LMX1B: variants seen among roughly 807,000 people sequenced by gnomAD.
LMX1B encodes the protein LIM homeobox transcription factor 1 beta, also known as LIM homeobox transcription factor 1-beta.
Under a neutral mutation model 51.4 loss-of-function variants are expected in LMX1B, and 12 were observed. The observed-to-expected ratio is 0.23, with a 90% CI of 0.15 to 0.38. The LOEUF is 0.38. Among genes scored for constraint, LMX1B ranks in the 10% least tolerant of loss-of-function variants. The pLI is 1.00. For missense variants in LMX1B, 445 were observed against 571.1 expected, an observed-to-expected ratio of 0.78 and a Z score of 2.25; for synonymous variants, 237 against 235.4, an observed-to-expected ratio of 1.01 and a Z score of -0.06.
chr9:126,693,653 G>A, intron 5 of LMX1B, 52 bp downstream of exon 5: 1 of 1,610,120 alleles, frequency 6.2e-7, no homozygotes, highest in East Asian at 2.2e-5. Flanking sequence ...GGGACTAGAG[G>A]GGGCAGCCAG....
intron 2 of LMX1B, among the ~76,000 whole-genome samples, chr9:126,620,266 T>C (rs2118835562): frequency 6.6e-6 from 1 of 152,232 alleles, no homozygotes; most frequent in South Asian, 2.1e-4. Flanking sequence ...TCCTCAGCCA[T>C]GAAAAGAGCT....
intron 4 of LMX1B, 21 bp downstream of exon 4, chr9:126,693,344 G>T (rs774024722): frequency 6.3e-7 from 1 of 1,581,470 alleles, no homozygotes; most frequent in South Asian, 1.1e-5. Context: ...GCCGGGGGGC[G>T]GGGCTCAGGC....
Position 126,700,912 on chromosome 9 carries a change from C to T in LMX1B, c.*4461C>T, listed in dbSNP as rs565150448. 1.3e-5 allele frequency: 2 copies of T among 152,286 alleles called. No individual in the cohort carries two copies. Among genetic ancestry groups the T allele is most frequent in the Non-Finnish European group, 2.9e-5 (2 of 68,054 alleles). 9.4% of individuals were successfully genotyped at this position (152,286 alleles called of 1,614,324 possible). A position where few individuals can be genotyped will look rare whatever the true frequency, so the allele number is the denominator to read the frequency against. On this transcript the variant is annotated 3_prime_UTR_variant, in exon 8 of 8. Coordinates refer to ENST00000373474, the MANE Select transcript of LMX1B (RefSeq NM_001174147.2). The stretch of plus-strand genomic sequence containing the variant: ...TTATTTATTAGCGTTTACCACACCA[C>T]CACCCCCACCCTGCCCTCCACTCTC...
At chr9:126,666,093 A>G (rs1344545773) in intron 2 of LMX1B, among the ~76,000 whole-genome samples, 3 of 152,192 alleles carry the variant, frequency 2.0e-5, no homozygotes, top group African/African-American at 7.2e-5. Flanking sequence ...GGCAGCTTCT[A>G]TGGCCGGCCT....
chr9:126,648,335 G>A (rs999295341), intron 2 of LMX1B, among the ~76,000 whole-genome samples: 4 of 152,176 alleles, frequency 2.6e-5, no homozygotes, highest in African/African-American at 9.7e-5. Context: ...CTCGAAGGCA[G>A]GTCCCAGCCC....
Position 126,696,016 on chromosome 9 carries a change from A to ACGGGGGG in LMX1B, c.1051+14_1051+15insGGGGGGC. On this transcript the variant is annotated intron_variant, in intron 7 of 7. Transcript: ENST00000373474. ...ATGAACCCCTATGGTAAGCCGCCCT[A>ACGGGGGG]CCCCCACCCGCCCGCCCCAGCACAG... is the stretch of plus-strand genomic sequence containing the variant. 2.6e-6 allele frequency: 4 copies of ACGGGGGG among 1,512,642 alleles called. No individual in the cohort carries two copies. Among genetic ancestry groups the ACGGGGGG allele is most frequent in the African/African-American group, 1.5e-5 (1 of 68,674 alleles). The allele number at this position is 1,512,642 out of a possible 1,614,324, so 93.7% of individuals were successfully genotyped here.
Position 126,697,912 on chromosome 9 carries a change from G to C in LMX1B, c.*1461G>C, listed in dbSNP as rs1218076595. 2 of 157,678 alleles carry C rather than the reference G, an allele frequency of 1.3e-5. No homozygotes were observed. The highest frequency in any genetic ancestry group is 1.9e-4 in the East Asian group (1 of 5,338). 9.8% of individuals were successfully genotyped at this position (157,678 alleles called of 1,614,324 possible). On this transcript the variant is annotated 3_prime_UTR_variant, in exon 8 of 8. Coordinates refer to ENST00000373474, the MANE Select transcript of LMX1B (RefSeq NM_001174147.2). The stretch of plus-strand genomic sequence containing the variant: ...TTGTTTGAGACGGAGTTTCGCTCTT[G>C]TTGCCCAGGCTGGAGTGCAATGGCG...
chr9:126,633,043 G>T (rs1835658602), intron 2 of LMX1B, among the ~76,000 whole-genome samples: 2 of 152,196 alleles, frequency 1.3e-5, no homozygotes, highest in Non-Finnish European at 2.9e-5. Context: ...GGCTGTGGTG[G>T]TTGCCCAGGA....
At chr9:126,616,879 C>A (rs1653400086) in intron 2 of LMX1B, among the ~76,000 whole-genome samples, 1 of 152,190 alleles carries the variant, frequency 6.6e-6, no homozygotes, top group South Asian at 2.1e-4. Flanking sequence ...GGGGGCTGAG[C>A]CTGAGCTGCT....
chr9:126,613,954 A>C lies in LMX1B; in HGVS notation c.-496A>C, dbSNP rs1332696921. Among the ~76,000 whole-genome samples, 4 of 145,782 alleles carry C rather than the reference A, an allele frequency of 2.7e-5. No homozygotes were observed. Among genetic ancestry groups the C allele is most frequent in the Non-Finnish European group, 4.6e-5 (3 of 65,694 alleles). On this transcript the variant is annotated 5_prime_UTR_variant, in exon 1 of 8. Coordinates refer to ENST00000373474, the MANE Select transcript of LMX1B (RefSeq NM_001174147.2). The surrounding 1 kb of genome is among the most constrained non-coding windows in gnomAD (Gnocchi z 4.5). Reference sequence around the variant, plus strand: ...GCCCCAGCTCTAAACCCGGCGGCTCAGCGGGCGCACCATGGCACTGGAGTA... The same window carrying C: ...GCCCCAGCTCTAAACCCGGCGGCTCCGCGGGCGCACCATGGCACTGGAGTA...
At chr9:126,617,097 A>G (rs1301637987) in intron 2 of LMX1B, among the ~76,000 whole-genome samples, 1 of 152,244 alleles carries the variant, frequency 6.6e-6, no homozygotes, top group Non-Finnish European at 1.5e-5. Context: ...GGGAGACGCC[A>G]GTCCGTTCAG....
chr9:126,668,177 T>TA (rs1239128798), intron 2 of LMX1B, among the ~76,000 whole-genome samples: 2 of 152,138 alleles, frequency 1.3e-5, no homozygotes, highest in Non-Finnish European at 2.9e-5. Context: ...CAGACACTCT[T>TA]ACTGAGACCA....
intron 2 of LMX1B, among the ~76,000 whole-genome samples, chr9:126,643,899 G>A (rs914774342): frequency 6.6e-6 from 1 of 152,182 alleles, no homozygotes. Context: ...CCAGGTAGAC[G>A]CCACTTTCAT....
At chr9:126,692,638 T>C (rs1406471958) in intron 3 of LMX1B, among the ~76,000 whole-genome samples, 1 of 152,088 alleles carries the variant, frequency 6.6e-6, no homozygotes, top group Non-Finnish European at 1.5e-5. Flanking sequence ...ATCTTACGAG[T>C]GTGTGCGTGC....
intron 2 of LMX1B, among the ~76,000 whole-genome samples, chr9:126,659,215 C>G (rs1398412167): frequency 6.6e-6 from 1 of 152,246 alleles, no homozygotes; most frequent in Non-Finnish European, 1.5e-5. Flanking sequence ...AACTCATGCC[C>G]CAAGCCTGTC....
At chr9:126,627,368 C>G (rs1273001929) in intron 2 of LMX1B, among the ~76,000 whole-genome samples, 1 of 152,054 alleles carries the variant, frequency 6.6e-6, no homozygotes, top group Non-Finnish European at 1.5e-5. Flanking sequence ...GATAGAATGC[C>G]CTGCTTCTTC....
rs1394672233 is a variant in LMX1B at position 126,658,812 on chromosome 9, CG to C, written c.327-32019del. 2.0e-5 allele frequency among the ~76,000 whole-genome samples: 3 copies of C among 152,182 alleles called. No homozygotes were observed. The highest frequency in any genetic ancestry group is 4.4e-5 in the Non-Finnish European group (3 of 68,042). On this transcript the variant is annotated intron_variant, in intron 2 of 7. Transcript: ENST00000373474. This position sits in a 1 kb window ranked among gnomAD's most constrained non-coding sequence, Gnocchi z 4.0. ...TTGCATTCATTGCAGCAGGAGAGAC[CG>C]GGGGTTCAAATTCAGAAAGCCCCCT...
At position 126,618,009 on chromosome 9, in the gene LMX1B, G is replaced by T. The variant is rs1272452854; in HGVS notation, c.326+2440G>T. Reference sequence around the variant, plus strand: ...CGCTCCAGGCAGGCAGCAGCCACTGGAAAGGGATGTTCTTTGCACAATAAA... The same window carrying T: ...CGCTCCAGGCAGGCAGCAGCCACTGTAAAGGGATGTTCTTTGCACAATAAA... On this transcript the variant is annotated intron_variant, in intron 2 of 7. Coordinates refer to ENST00000373474, the MANE Select transcript of LMX1B (RefSeq NM_001174147.2). The surrounding 1 kb of genome is among the most constrained non-coding windows in gnomAD (Gnocchi z 4.5). Among the ~76,000 whole-genome samples, 2 of 152,192 alleles carry T rather than the reference G, an allele frequency of 1.3e-5. No individual in the cohort carries two copies. Among genetic ancestry groups the T allele is most frequent in the African/African-American group, 4.8e-5 (2 of 41,444 alleles).
intron 2 of LMX1B, among the ~76,000 whole-genome samples, chr9:126,678,338 A>C (rs533349261): frequency 6.7e-6 from 1 of 149,186 alleles, no homozygotes; most frequent in East Asian, 1.9e-4. Context: ...ACAAAAAAAA[A>C]AAACAAAAAG....
Sources: gnomAD v4.1 joint callset for allele counts (sites outside exome capture counted in the v4.1 genomes callset) on GRCh38, gnomAD v4.1.1 for gene constraint, Gnocchi (gnomAD v3.1) non-coding constraint, MANE v1.5 for transcripts, NCBI Gene and HGNC (gene_info 2026-07-23, HGNC 2026-07-21) for gene names.